Variants in NUP188 observed in about 807,000 individuals in gnomAD.
NUP188 encodes nucleoporin NUP188.
NUP188 carries 97 observed loss-of-function variants against 223.0 expected under a neutral mutation model. The observed-to-expected ratio is 0.43, with a 90% CI of 0.37 to 0.51. NUP188 has a LOEUF of 0.51. Ranked by LOEUF, NUP188 falls within the 20% of genes least tolerant of loss-of-function variation. NUP188 has a pLI of 0.00. For synonymous variants in NUP188, 869 were observed against 828.0 expected (o/e 1.05, Z -0.85); for missense variants, 1,947 against 2,175.6 (o/e 0.89, Z 2.09).
At chr9:128,987,747 C>G (rs1210491085) in intron 23 of NUP188, 30 bp downstream of exon 23, 1 of 1,606,310 alleles carries the variant, frequency 6.2e-7, no homozygotes, top group East Asian at 2.2e-5. Flanking sequence ...TTCCCTTTGT[C>G]TGTCTTTATT....
In NUP188 at chr9:129,001,933, C is replaced by G. The variant is rs2131193860; in HGVS notation, c.4094C>G (p.Pro1365Arg). Residue 1365 changes from proline (P) to arginine (R), a missense_variant, in exon 36 of 44, where the codon CCC (proline) becomes CGC (arginine). Pro to Arg is a moderately radical substitution (Grantham distance 103, BLOSUM62 -2). Transcript: ENST00000372577. ...GGCATCACCCAGAGCATTTGTTTGC[C>G]CCTTCTGAGTGTGTACCAGCTGAGC... ...GAGITQSICL[P>R]LLSVYQLSTN... 2 of 1,614,162 alleles carry G rather than the reference C, an allele frequency of 1.2e-6. No individual in the cohort carries two copies. The highest frequency in any genetic ancestry group is 4.5e-5 in the East Asian group (2 of 44,890).
intron 3 of NUP188, 146 bp from the exon 4 acceptor site, chr9:128,956,204 T>TGTGTGTGTGC: frequency 2.2e-6 from 1 of 462,046 alleles, no homozygotes; most frequent in Non-Finnish European, 3.8e-6. Flanking sequence ...TGTGTGTGTG[T>TGTGTGTGTGC]GTGTGTGCGT....
intron 12 of NUP188, among the ~76,000 whole-genome samples, chr9:128,976,234 A>G (rs1300672339): frequency 6.6e-6 from 1 of 152,214 alleles, no homozygotes; most frequent in Non-Finnish European, 1.5e-5. Flanking sequence ...TTAGTGGGAA[A>G]TGATATTTGA....
At position 128,995,320 on chromosome 9, in the gene NUP188, G is replaced by A. The variant is rs1842503413; in HGVS notation, c.3157G>A (p.Gly1053Ser). 17 of 1,612,014 alleles carry A rather than the reference G, an allele frequency of 1.1e-5. No individual in the cohort carries two copies. The highest frequency in any genetic ancestry group is 1.7e-5 in the Admixed American group (1 of 59,972). ...GGAGGTTTTTTCTTGACACTGTAGG[G>A]GTTCATTAGACCAGTCATTAAAGGA... is the stretch of plus-strand genomic sequence containing the variant. The part of the protein sequence containing the change: ...ICLEIYYVVK[G>S]SLDQSLKDTL... The change falls in exon 30 of 44, where the codon GGT (glycine) becomes AGT (serine). Residue 1053 changes from glycine (G) to serine (S), a missense_variant and splice_region_variant. By Grantham distance (56) the Gly-to-Ser change is moderately conservative. Transcript: ENST00000372577.
intron 20 of NUP188, among the ~76,000 whole-genome samples, chr9:128,986,008 C>T (rs867820280): frequency 6.6e-5 from 10 of 152,162 alleles, no homozygotes; most frequent in African/African-American, 2.4e-4. Flanking sequence ...CATTGCACTC[C>T]AGCCTAGGTG....
rs149972612 is a variant in NUP188 at position 128,993,239 on chromosome 9, G to A, written c.2683G>A (p.Ala895Thr). The change falls in exon 26 of 44, where the codon GCT (alanine) becomes ACT (threonine). Residue 895 changes from alanine (A) to threonine (T), a missense_variant. Physicochemically the swap from Ala to Thr is moderately conservative, Grantham distance 58 (BLOSUM62 0). This residue lies in a region of NUP188 where 225 missense variants were observed against 319.1 expected (regional missense o/e 0.71). Transcript: ENST00000372577. ...GTATGCTTGTCTGGGCAATGATGCGGCTGCCATTCGTGATGCCTTCCTGAC... is the reference window on the plus strand; with the variant it reads ...GTATGCTTGTCTGGGCAATGATGCGACTGCCATTCGTGATGCCTTCCTGAC... The part of the protein sequence containing the change: ...SVYACLGNDA[A>T]AIRDAFLTRL... 248 of 1,614,214 alleles carry A rather than the reference G, an allele frequency of 1.5e-4. 2 individuals are homozygous for A. The African/African-American group carries it at 2.7e-3, about 18-fold the overall frequency.
At position 129,001,934 on chromosome 9, in the gene NUP188, C is replaced by T. The variant is rs747496972; in HGVS notation, c.4095C>T (p.Pro1365=). The change falls in exon 36 of 44, where the codon CCC becomes CCT. Residue 1365 remains proline, a synonymous_variant. Transcript: ENST00000372577. ...GAGITQSICL[P]LLSVYQLSTN... ...GCATCACCCAGAGCATTTGTTTGCC[C>T]CTTCTGAGTGTGTACCAGCTGAGCA... The T allele has an allele frequency of 7.4e-6, 12 of 1,614,178 alleles. No homozygotes were observed. Among genetic ancestry groups the T allele is most frequent in the Non-Finnish European group, 9.3e-6 (11 of 1,180,012 alleles).
At chr9:129,003,124 G>A (rs1265562028) in intron 37 of NUP188, 149 bp downstream of exon 37, 3 of 1,103,888 alleles carry the variant, frequency 2.7e-6, no homozygotes, top group African/African-American at 1.6e-5. Context: ...TACTCTGCTG[G>A]CTCACTGGCC....
At chr9:129,003,024 G>A in intron 37 of NUP188, 49 bp downstream of exon 37, 4 of 1,596,618 alleles carry the variant, frequency 2.5e-6, no homozygotes, top group East Asian at 2.2e-5. Flanking sequence ...GGTAAAAAAG[G>A]TACTGGGCCA....
At position 128,982,533 on chromosome 9, in the gene NUP188, T is replaced by C. The variant is rs200533912; in HGVS notation, c.1517-16T>C. On this transcript the variant is annotated splice_polypyrimidine_tract_variant and intron_variant, in intron 15 of 43. Transcript: ENST00000372577. ...TTTATCCTCAGATATTAGACTAATT[T>C]ATCTTTCTCTCTCAGGGGGTCAAAC... 2.1e-3 allele frequency: 3,350 copies of C among 1,599,574 alleles called. 8 individuals carry two copies. Among genetic ancestry groups the C allele is most frequent in the South Asian group, 3.5e-3 (305 of 88,300 alleles).
chr9:128,990,914 G>A (rs1842414667), intron 25 of NUP188, among the ~76,000 whole-genome samples: 1 of 151,992 alleles, frequency 6.6e-6, no homozygotes, highest in African/African-American at 2.4e-5. Context: ...AGCTACTTGG[G>A]AGCCTGAGGC....
intron 3 of NUP188, among the ~76,000 whole-genome samples, chr9:128,953,979 G>A (rs1239477154): frequency 6.6e-6 from 1 of 151,846 alleles, no homozygotes; most frequent in Non-Finnish European, 1.5e-5. Context: ...ACAGGTGCCC[G>A]CCACCACGCC....
chr9:128,995,016 C>A (rs914756141), intron 29 of NUP188, 93 bp downstream of exon 29: 10 of 939,734 alleles, frequency 1.1e-5, no homozygotes, highest in Non-Finnish European at 1.6e-5. Flanking sequence ...AGAGCCAAGG[C>A]AGAGGAGAGA....
At chr9:128,965,197 C>G (rs1194596407) in intron 8 of NUP188, among the ~76,000 whole-genome samples, 1 of 151,922 alleles carries the variant, frequency 6.6e-6, no homozygotes, top group Non-Finnish European at 1.5e-5. Flanking sequence ...AAATTTTCAT[C>G]AAGTTTCTAA....
chr9:128,972,823 T>C (rs1842121120), intron 11 of NUP188, among the ~76,000 whole-genome samples: 1 of 152,232 alleles, frequency 6.6e-6, no homozygotes, highest in African/African-American at 2.4e-5. Context: ...TTGGCTTATC[T>C]TGGTGGCCAT....
chr9:129,004,322 A>C (rs1842735495), intron 38 of NUP188, among the ~76,000 whole-genome samples: 1 of 151,872 alleles, frequency 6.6e-6, no homozygotes, highest in South Asian at 2.1e-4. Context: ...AAACCAAAAA[A>C]ACACACACAA....
intron 9 of NUP188, 31 bp from the exon 10 acceptor site, chr9:128,969,369 T>C (rs1257395782): frequency 7.4e-7 from 1 of 1,345,950 alleles, no homozygotes. Flanking sequence ...GAACGGGATA[T>C]ATAACATGGT....
chr9:129,005,879 C>A, intron 41 of NUP188, 103 bp downstream of exon 41: 1 of 1,460,624 alleles, frequency 6.8e-7, no homozygotes, highest in Non-Finnish European at 9.3e-7. Context: ...CCTAGCCTCC[C>A]AAGCCTGCTC....
At position 129,002,833 on chromosome 9, in the gene NUP188, G is replaced by C; in HGVS notation, c.4154G>C (p.Arg1385Pro). Residue 1385 changes from arginine (R) to proline (P), a missense_variant, in exon 37 of 44, where the codon CGG (arginine) becomes CCG (proline). By Grantham distance (103) the Arg-to-Pro change is moderately radical. Around this residue, in one of 3 missense-constraint regions of NUP188, gnomAD observed 905 missense variants for 990.6 expected, o/e 0.91. Transcript: ENST00000372577. ...NGTAQTPSAS[R>P]KSLDAPSWPG... Reference sequence around the variant, plus strand: ...GTATCTTAGACACCTAGTGCCTCTCGGAAGTCCCTGGATGCCCCCTCTTGG... The same window carrying C: ...GTATCTTAGACACCTAGTGCCTCTCCGAAGTCCCTGGATGCCCCCTCTTGG... 1.9e-6 allele frequency: 3 copies of C among 1,614,022 alleles called. No individual in the cohort carries two copies. Among genetic ancestry groups the C allele is most frequent in the Non-Finnish European group, 2.5e-6 (3 of 1,179,960 alleles).
Sources: allele counts gnomAD v4.1 joint callset (sites outside exome capture counted in the v4.1 genomes callset), GRCh38; gene constraint gnomAD v4.1.1; regional missense constraint gnomAD v4.1.1; transcripts MANE v1.5; gene names NCBI Gene and HGNC (gene_info 2026-07-23, HGNC 2026-07-21).